SLC44A1: variants seen among roughly 807,000 people sequenced by gnomAD.
The protein encoded by SLC44A1 is solute carrier family 44 member 1, also known as choline transporter-like protein 1.
In SLC44A1, 26 loss-of-function variants were observed where a neutral mutation model predicts 79.3. That is an observed-to-expected ratio of 0.33 (90% CI 0.24 to 0.46). The LOEUF is 0.46. Among genes scored for constraint, SLC44A1 ranks in the 20% least tolerant of loss-of-function variants. The probability of loss-of-function intolerance (pLI) is 1.00; values close to 1 mark genes in which losing one functional copy is unlikely to be tolerated. For missense variants in SLC44A1, 688 were observed against 798.1 expected, an observed-to-expected ratio of 0.86 and a Z score of 1.66; for synonymous variants, 263 against 286.2, an observed-to-expected ratio of 0.92 and a Z score of 0.82.
rs1481621827 is a variant in SLC44A1 at position 105,374,694 on chromosome 9, A to G, written c.1591A>G (p.Thr531Ala). The G allele has an allele frequency of 1.9e-6, 3 of 1,613,540 alleles. No individual in the cohort carries two copies. The Admixed American group carries it at 5.0e-5, about 27-fold the overall frequency. The change falls in exon 13 of 16, where the codon ACC (threonine) becomes GCC (alanine). Residue 531 changes from threonine (T) to alanine (A), a missense_variant. Transcript: ENST00000374720. ...ILVENALRVA[T>A]INTVGDFMLF... Reference sequence around the variant, plus strand: ...GGTGGAGAATGCTTTGCGAGTGGCTACCATCAACACAGTAGGAGATTTTAT... The same window carrying G: ...GGTGGAGAATGCTTTGCGAGTGGCTGCCATCAACACAGTAGGAGATTTTAT...
intron 1 of SLC44A1, among the ~76,000 whole-genome samples, chr9:105,284,404 A>G (rs967213034): frequency 5.3e-5 from 8 of 152,052 alleles, no homozygotes; most frequent in African/African-American, 1.9e-4. Context: ...TTTATACTGC[A>G]GTCTGGTTTT....
At chr9:105,400,284 A>G (rs1828939807), downstream of SLC44A1, among the ~76,000 whole-genome samples, 1 of 151,722 alleles carries the variant, frequency 6.6e-6, no homozygotes, top group African/African-American at 2.4e-5. Flanking sequence ...AGATCAAAAG[A>G]TCGAGACCGT....
chr9:105,278,243 C>CTATT lies in SLC44A1; in HGVS notation c.37-20957_37-20954dup, dbSNP rs577449203. Among the ~76,000 whole-genome samples the CTATT allele has an allele frequency of 6.8e-3, 1,020 of 149,764 alleles. 8 individuals carry two copies. The highest frequency in any genetic ancestry group is 7.8e-3 in the Non-Finnish European group (524 of 67,444). On this transcript the variant is annotated intron_variant, in intron 1 of 15. Transcript: ENST00000374720. ...GCCTGGCTAATTTTTTTTTCTTTTT[C>CTATT]TATTTATTTATTTATTTATTTATGA...
intron 4 of SLC44A1, among the ~76,000 whole-genome samples, chr9:105,340,575 A>G (rs918056466): frequency 6.6e-6 from 1 of 152,226 alleles, no homozygotes; most frequent in Non-Finnish European, 1.5e-5. Flanking sequence ...TAAGTTCATG[A>G]AAGAGTCCCA....
At chr9:105,267,960 T>C (rs1829998094) in intron 1 of SLC44A1, among the ~76,000 whole-genome samples, 1 of 152,172 alleles carries the variant, frequency 6.6e-6, no homozygotes, top group Non-Finnish European at 1.5e-5. Context: ...ACAAGTCTCT[T>C]CTGGGCTCCT....
At chr9:105,425,210 A>G (rs1052183585) in intron 15 of SLC44A1, among the ~76,000 whole-genome samples, 1 of 152,184 alleles carries the variant, frequency 6.6e-6, no homozygotes, top group Admixed American at 6.5e-5. Context: ...TTTGGTGACT[A>G]AATGGCATTC....
At chr9:105,402,725 A>T (rs964114383) in intron 15 of SLC44A1, among the ~76,000 whole-genome samples, 1 of 152,156 alleles carries the variant, frequency 6.6e-6, no homozygotes, top group Admixed American at 6.6e-5. Flanking sequence ...CTACATTGTC[A>T]TGCTAACCAT....
At chr9:105,426,441 T>A (rs1829323764) in intron 15 of SLC44A1, among the ~76,000 whole-genome samples, 1 of 152,234 alleles carries the variant, frequency 6.6e-6, no homozygotes, top group South Asian at 2.1e-4. Context: ...AATGTGAAGG[T>A]CTTTGCCCAC....
chr9:105,321,780 T>A, intron 3 of SLC44A1, among the ~76,000 whole-genome samples: 1 of 151,592 alleles, frequency 6.6e-6, no homozygotes, highest in Admixed American at 6.6e-5. Flanking sequence ...AGGATATATG[T>A]GGGACCAAAT....
rs549696397 is a variant in SLC44A1 at position 105,424,219 on chromosome 9, G to A, written c.1951-14062G>A. 4.6e-5 allele frequency among the ~76,000 whole-genome samples: 7 copies of A among 152,104 alleles called. No homozygotes were observed. The East Asian group carries it at 1.3e-3, about 29-fold the overall frequency. ...CAAGGAGTCCACCATGGGATTAAGG[G>A]GACAGGCCCACCCTAAGCCTAATAC... On this transcript the variant is annotated intron_variant, in intron 15 of 15. Transcript: ENST00000374724.
intron 4 of SLC44A1, among the ~76,000 whole-genome samples, chr9:105,342,983 A>T (rs550787028): frequency 4.4e-4 from 67 of 150,654 alleles, no homozygotes; most frequent in South Asian, 2.1e-3. Context: ...TCTAAAAAAA[A>T]AAAAATATAT....
chr9:105,392,428 T>C lies in SLC44A1; in HGVS notation c.*3372T>C, dbSNP rs1828786419. On this transcript the variant is annotated 3_prime_UTR_variant, in exon 16 of 16. Transcript: ENST00000374720. Reference sequence around the variant, plus strand: ...CTTTTTTTTTTTTTTTTTTTTTTTTTTTCCGTGAGGGCATTAGGCTGCTGA... The same window carrying C: ...CTTTTTTTTTTTTTTTTTTTTTTTTCTTCCGTGAGGGCATTAGGCTGCTGA... 1.2e-6 allele frequency: 1 copy of C among 831,924 alleles called. No individual in the cohort carries two copies. The highest frequency in any genetic ancestry group is 2.6e-5 in the African/African-American group (1 of 38,400). 51.5% of individuals were successfully genotyped at this position (831,924 alleles called of 1,614,324 possible).
chr9:105,401,537 TTTA>T (rs971228671), downstream of SLC44A1, among the ~76,000 whole-genome samples: 2 of 152,192 alleles, frequency 1.3e-5, no homozygotes, highest in African/African-American at 4.8e-5. Context: ...TTAGGATTTT[TTTA>T]TTATTATTAG....
At chr9:105,368,970 G>A (rs866102667) in intron 12 of SLC44A1, among the ~76,000 whole-genome samples, 4 of 152,168 alleles carry the variant, frequency 2.6e-5, no homozygotes, top group South Asian at 4.1e-4. Flanking sequence ...CCTGGGAGGT[G>A]GAGGTTGTAG....
rs564371442 is a variant in SLC44A1, at chr9:105,256,239, T to G, written c.36+11335T>G. ...GTTGCCCAGGCTGGTCTTGAACTCC[T>G]GAGCTCAAGTGATCTGCCCACCTCA... On this transcript the variant is annotated intron_variant, in intron 1 of 15. Transcript: ENST00000374720. Among the ~76,000 whole-genome samples, 4 of 152,246 alleles carry G rather than the reference T, an allele frequency of 2.6e-5. No individual in the cohort carries two copies. The East Asian group carries it at 7.7e-4, about 29-fold the overall frequency.
At chr9:105,283,080 T>C (rs1830396665) in intron 1 of SLC44A1, among the ~76,000 whole-genome samples, 1 of 152,118 alleles carries the variant, frequency 6.6e-6, no homozygotes, top group Non-Finnish European at 1.5e-5. Flanking sequence ...GGGAGTTTAG[T>C]TGGACTTTGG....
At position 105,356,373 on chromosome 9, in the gene SLC44A1, T is replaced by C; in HGVS notation, c.662T>C (p.Leu221Ser). 6.3e-7 allele frequency: 1 copy of C among 1,588,340 alleles called. No homozygotes were observed. The highest frequency in any genetic ancestry group is 8.6e-7 in the Non-Finnish European group (1 of 1,167,022). ...GAAATTATATTGGGACTTTGCTTGTTATCACTAGGTAATTGTTTTTCTCAT... is the reference window on the plus strand; with the variant it reads ...GAAATTATATTGGGACTTTGCTTGTCATCACTAGGTAATTGTTTTTCTCAT... ...SKEIILGLCL[L>S]SLVLSMILMV... The change falls in exon 6 of 16, where the codon TTA becomes TCA. Residue 221 changes from leucine (L) to serine (S), a missense_variant. Transcript: ENST00000374720.
chr9:105,376,507 G>A (rs1828295779), intron 13 of SLC44A1, among the ~76,000 whole-genome samples: 1 of 151,926 alleles, frequency 6.6e-6, no homozygotes, highest in African/African-American at 2.4e-5. Flanking sequence ...CCAAGTAGCT[G>A]GGACTACAGG....
chr9:105,346,585 A>T (rs896424232), intron 4 of SLC44A1, among the ~76,000 whole-genome samples: 1 of 152,114 alleles, frequency 6.6e-6, no homozygotes, highest in Admixed American at 6.5e-5. Context: ...GCAATTCTGT[A>T]CTAGGACTCC....
Sources: gnomAD v4.1 joint callset for allele counts (sites outside exome capture counted in the v4.1 genomes callset) on GRCh38, gnomAD v4.1.1 for gene constraint, MANE v1.5 for transcripts, NCBI Gene and HGNC (gene_info 2026-07-23, HGNC 2026-07-21) for gene names.